Variants in OSGIN2 observed in about 807,000 individuals in gnomAD.
OSGIN2 encodes the protein oxidative stress induced growth inhibitor family member 2.
In OSGIN2, 19 loss-of-function variants were observed where a neutral mutation model predicts 53.8. That is an observed-to-expected ratio of 0.35 (90% CI 0.25 to 0.52). The LOEUF is 0.52. Among genes scored for constraint, OSGIN2 ranks in the 20% least tolerant of loss-of-function variants. The probability of loss-of-function intolerance (pLI) is 0.95; values close to 1 mark genes in which losing one functional copy is unlikely to be tolerated. For synonymous variants in OSGIN2, 236 were observed against 236.0 expected (o/e 1.00, Z 0.00); for missense variants, 520 against 662.7 (o/e 0.78, Z 2.36).
At chr8:89,918,940 T>C (rs1809139705) in intron 4 of OSGIN2, among the ~76,000 whole-genome samples, 1 of 152,340 alleles carries the variant, frequency 6.6e-6, no homozygotes, top group East Asian at 1.9e-4. Context: ...CCTTTCTAAA[T>C]GGTTTTCTTA....
chr8:89,922,926 T>C (rs987734032), intron 5 of OSGIN2, among the ~76,000 whole-genome samples: 6 of 152,108 alleles, frequency 3.9e-5, no homozygotes, highest in African/African-American at 1.4e-4. Context: ...GTAACACAAT[T>C]GTAAGTATTT....
At chr8:89,924,400 C>G in intron 5 of OSGIN2, 103 bp from the exon 6 acceptor site, 1 of 806,710 alleles carries the variant, frequency 1.2e-6, no homozygotes, top group Non-Finnish European at 2.0e-6. Context: ...TAAGACAGTC[C>G]AGCAGAATTA....
intron 2 of OSGIN2, among the ~76,000 whole-genome samples, chr8:89,913,089 G>A (rs1245526129): frequency 6.6e-6 from 1 of 152,176 alleles, no homozygotes; most frequent in African/African-American, 2.4e-5. Context: ...AATTAGGGAA[G>A]TCACACATCA....
At chr8:89,921,056 A>G (rs1563475662) in intron 4 of OSGIN2, 24 bp from the exon 5 acceptor site, 4 of 1,151,468 alleles carry the variant, frequency 3.5e-6, no homozygotes, top group Admixed American at 2.5e-5. Context: ...TTGACGGTAC[A>G]TTTTTTTTTT....
Position 89,925,247 on chromosome 8 carries a change from A to ATTGATAGGTTCTCATCCTAATCTGTCT in OSGIN2, c.1368_1394dup (p.Leu456_Ser464dup). The ATTGATAGGTTCTCATCCTAATCTGTCT allele has an allele frequency of 6.2e-7, 1 of 1,614,160 alleles. No individual in the cohort carries two copies. Among genetic ancestry groups the ATTGATAGGTTCTCATCCTAATCTGTCT allele is most frequent in the Non-Finnish European group, 8.5e-7 (1 of 1,180,002 alleles). On this transcript the variant is annotated inframe_insertion, in exon 6 of 6. Transcript: ENST00000451899. ...TATTTAAGCTGTCTGCAGCAGTAGT[A>ATTGATAGGTTCTCATCCTAATCTGTCT]TTGATAGGTTCTCATCCTAATCTGT...
At chr8:89,924,482 T>TTTTTCC (rs748173963) in intron 5 of OSGIN2, 21 bp from the exon 6 acceptor site, 3 of 1,540,854 alleles carry the variant, frequency 1.9e-6, no homozygotes, top group East Asian at 2.2e-5. Context: ...TTATAGGATA[T>TTTTTCC]TTTTCCTTTT....
chr8:89,908,373 A>G (rs996118258), intron 1 of OSGIN2, among the ~76,000 whole-genome samples: 2 of 152,166 alleles, frequency 1.3e-5, no homozygotes, highest in African/African-American at 4.8e-5. Flanking sequence ...AGCTCTCAGT[A>G]TGTCCTGAGG....
chr8:89,924,446 A>C, intron 5 of OSGIN2, 57 bp from the exon 6 acceptor site: 1 of 1,269,530 alleles, frequency 7.9e-7, no homozygotes, highest in Non-Finnish European at 1.1e-6. Context: ...GATAAGTAAT[A>C]ATCATGGAAA....
At position 89,924,556 on chromosome 8, in the gene OSGIN2, A is replaced by G. The variant is rs1361965883; in HGVS notation, c.674A>G (p.His225Arg). The G allele has an allele frequency of 3.1e-6, 5 of 1,613,890 alleles. No individual in the cohort carries two copies. Among genetic ancestry groups the G allele is most frequent in the Non-Finnish European group, 4.2e-6 (5 of 1,179,870 alleles). The change falls in exon 6 of 6, where the codon CAT (histidine) becomes CGT (arginine). Residue 225 changes from histidine (H) to arginine (R), a missense_variant. This residue lies in a region of OSGIN2 where 203 missense variants were observed against 275.3 expected (regional missense o/e 0.74). Coordinates refer to ENST00000451899, the MANE Select transcript of OSGIN2 (RefSeq NM_001126111.3). ...GAGGAAATAGCTCGCTACTATAAAC[A>G]TTATGTAAAAGTCATGGGTCTTCAG... ...MPEEIARYYK[H>R]YVKVMGLQKN...
chr8:89,908,950 G>A (rs1485715654), intron 1 of OSGIN2, among the ~76,000 whole-genome samples: 1 of 137,312 alleles, frequency 7.3e-6, no homozygotes, highest in African/African-American at 2.8e-5. Flanking sequence ...GGTGGAGGCT[G>A]CAGTGAGCCA....
intron 2 of OSGIN2, among the ~76,000 whole-genome samples, chr8:89,911,066 C>CTGTGTTGCTT (rs1808957693): frequency 1.3e-5 from 2 of 152,174 alleles, no homozygotes; most frequent in African/African-American, 4.8e-5. Context: ...GTTGGCAGGG[C>CTGTGTTGCTT]TGTGTTGCTT....
intron 4 of OSGIN2, among the ~76,000 whole-genome samples, chr8:89,919,732 CAT>C (rs1482349279): frequency 6.6e-6 from 1 of 152,178 alleles, no homozygotes; most frequent in African/African-American, 2.4e-5. Context: ...GAAGGACACT[CAT>C]ATTTGCTCTC....
In OSGIN2 at chr8:89,925,229, G is replaced by C. The variant is rs115758475; in HGVS notation, c.1347G>C (p.Lys449Asn). The C allele has an allele frequency of 8.7e-4, 1,404 of 1,614,036 alleles. 3 individuals carry two copies. The highest frequency in any genetic ancestry group is 1.2e-3 in the Admixed American group (71 of 60,012). The change falls in exon 6 of 6, where the codon AAG becomes AAC. Residue 449 changes from lysine to asparagine, a missense_variant. Transcript: ENST00000451899. The stretch of plus-strand genomic sequence containing the variant: ...TTTCTGGATTGAAGAAAATATTTAA[G>C]CTGTCTGCAGCAGTAGTATTGATAG... ...QSVSGLKKIFKLSAAVVLIGS... is the reference protein window; with the variant it reads ...QSVSGLKKIFNLSAAVVLIGS...
upstream of OSGIN2, chr8:89,901,880 G>C (rs1463175634): frequency 6.6e-6 from 1 of 152,318 alleles, no homozygotes; most frequent in African/African-American, 2.4e-5. Context: ...GGGCGGGCCT[G>C]ATGAGCACCT....
At chr8:89,905,191 G>C (rs1808811305) in intron 1 of OSGIN2, among the ~76,000 whole-genome samples, 1 of 152,164 alleles carries the variant, frequency 6.6e-6, no homozygotes, top group South Asian at 2.1e-4. Context: ...ACTTTGTGCT[G>C]TAATGTTTCA....
At chr8:89,915,192 C>T (rs954758845) in intron 4 of OSGIN2, among the ~76,000 whole-genome samples, 1 of 152,112 alleles carries the variant, frequency 6.6e-6, no homozygotes, top group African/African-American at 2.4e-5. Context: ...ATGGCTTAAA[C>T]AACATATTTA....
intron 4 of OSGIN2, among the ~76,000 whole-genome samples, chr8:89,920,541 C>T (rs962587371): frequency 1.3e-5 from 2 of 152,158 alleles, no homozygotes; most frequent in African/African-American, 4.8e-5. Context: ...GCATCCACTG[C>T]CTATTTCTGT....
chr8:89,921,683 A>G (rs185014622), intron 5 of OSGIN2, among the ~76,000 whole-genome samples: 1 of 152,318 alleles, frequency 6.6e-6, no homozygotes, highest in African/African-American at 2.4e-5. Flanking sequence ...ATAAAAAAAA[A>G]TAAGAGTAGA....
intron 5 of OSGIN2, among the ~76,000 whole-genome samples, chr8:89,921,575 G>A (rs1809205399): frequency 6.6e-6 from 1 of 152,098 alleles, no homozygotes; most frequent in Non-Finnish European, 1.5e-5. Flanking sequence ...TTGACTTTCA[G>A]TATAAAGATT....
Sources: allele counts gnomAD v4.1 joint callset (sites outside exome capture counted in the v4.1 genomes callset), GRCh38; gene constraint gnomAD v4.1.1; regional missense constraint gnomAD v4.1.1; transcripts MANE v1.5; gene names NCBI Gene and HGNC (gene_info 2026-07-23, HGNC 2026-07-21).